STAP1: variants seen among roughly 807,000 people sequenced by gnomAD.
STAP1 encodes signal transducing adaptor family member 1, also known as signal-transducing adaptor protein 1.
STAP1 carries 30 observed loss-of-function variants against 37.8 expected under a neutral mutation model. That is an observed-to-expected ratio of 0.79 (90% confidence interval 0.59 to 1.08). The LOEUF is 1.08. Among genes scored for constraint, STAP1 ranks in the 50% least tolerant of loss-of-function variants. The pLI is 0.00. For synonymous variants in STAP1, 130 were observed against 116.0 expected, an observed-to-expected ratio of 1.12 and a Z score of -0.78; for missense variants, 357 against 349.4, an observed-to-expected ratio of 1.02 and a Z score of -0.17.
chr4:67,569,937 T>C (rs749184523), intron 1 of STAP1, among the ~76,000 whole-genome samples: 46 of 152,196 alleles, frequency 3.0e-4, no homozygotes, highest in Middle Eastern at 6.8e-3. Context: ...TGCCATGTTG[T>C]TCAGGCTGGT....
Position 67,581,185 on chromosome 4 carries a change from C to T in STAP1, c.364-120C>T, listed in dbSNP as rs370048696. 1.2e-4 allele frequency: 112 copies of T among 938,240 alleles called. No homozygotes were observed. In the East Asian group the frequency reaches 2.3e-3, roughly 19 times the overall value. The allele number at this position is 938,240 out of a possible 1,614,324, so 58.1% of individuals were successfully genotyped here. A position where few individuals can be genotyped will look rare whatever the true frequency, so the allele number is the denominator to read the frequency against. ...CCTCTGTTTCTTATTCCCTTAGTCC[C>T]TACTCATTCACCTCTGTCAGGTAAC... On this transcript the variant is annotated intron_variant, in intron 4 of 8. Transcript: ENST00000265404.
chr4:67,603,937 A>G lies in STAP1; in HGVS notation c.827-2359A>G, dbSNP rs146645654. Reference sequence around the variant, plus strand: ...GGCTCCAAGCCCAGCACAGCACAGGACTTGCCCAGGACCCTCAGTGTTTGT... The same window carrying G: ...GGCTCCAAGCCCAGCACAGCACAGGGCTTGCCCAGGACCCTCAGTGTTTGT... On this transcript the variant is annotated intron_variant, in intron 8 of 8. Coordinates refer to ENST00000265404, the MANE Select transcript of STAP1 (RefSeq NM_012108.4). Among the ~76,000 whole-genome samples, 3 of 152,232 alleles carry G rather than the reference A, an allele frequency of 2.0e-5. No homozygotes were observed. In the East Asian group the frequency reaches 5.8e-4, roughly 29 times the overall value.
intron 4 of STAP1, among the ~76,000 whole-genome samples, chr4:67,580,002 A>T (rs1727815398): frequency 6.6e-6 from 1 of 152,072 alleles, no homozygotes; most frequent in Non-Finnish European, 1.5e-5. Flanking sequence ...AGTATCTGGG[A>T]TTACAGGCAC....
intron 1 of STAP1, among the ~76,000 whole-genome samples, chr4:67,570,860 G>C (rs1020876567): frequency 6.6e-6 from 1 of 152,084 alleles, no homozygotes; most frequent in African/African-American, 2.4e-5. Context: ...CTTGAGCCTA[G>C]GAGTTGGAGA....
At chr4:67,592,892 C>G (rs1467755375) in intron 7 of STAP1, among the ~76,000 whole-genome samples, 1 of 152,158 alleles carries the variant, frequency 6.6e-6, no homozygotes, top group Admixed American at 6.5e-5. Flanking sequence ...CTATGTTGCT[C>G]AGGCTGGTCT....
intron 8 of STAP1, among the ~76,000 whole-genome samples, chr4:67,603,447 C>A (rs1474116329): frequency 6.6e-6 from 1 of 152,060 alleles, no homozygotes; most frequent in Non-Finnish European, 1.5e-5. Flanking sequence ...AAGCAAAAGT[C>A]TCTCCCTATG....
chr4:67,565,934 CTTTTTTTTTTTTTTTTTT>C (rs60607477), intron 1 of STAP1, among the ~76,000 whole-genome samples: 1 of 59,430 alleles, frequency 1.7e-5, no homozygotes, highest in African/African-American at 5.8e-5. Flanking sequence ...AACCCAACTG[CTTTTTTTTTTTTTTTTTT>C]TTTTTTTTTT....
intron 6 of STAP1, among the ~76,000 whole-genome samples, chr4:67,588,358 ATG>A (rs1728038760): frequency 1.9e-5 from 2 of 104,308 alleles, no homozygotes; most frequent in Non-Finnish European, 5.1e-5. Context: ...GACGACGATG[ATG>A]ATGATGATGA....
intron 7 of STAP1, among the ~76,000 whole-genome samples, 162 bp from the exon 8 acceptor site, chr4:67,593,098 A>G (rs1728155001): frequency 6.6e-6 from 1 of 152,230 alleles, no homozygotes; most frequent in South Asian, 2.1e-4. Flanking sequence ...TGGTCAATTA[A>G]AAAGGATAAA....
intron 6 of STAP1, among the ~76,000 whole-genome samples, chr4:67,585,337 A>G (rs1180177216): frequency 6.6e-6 from 1 of 152,240 alleles, no homozygotes; most frequent in Non-Finnish European, 1.5e-5. Flanking sequence ...ATGGTGAATA[A>G]AGGCAGTTAA....
intron 8 of STAP1, 109 bp downstream of exon 8, chr4:67,593,465 C>A: frequency 1.3e-6 from 1 of 743,008 alleles, no homozygotes; most frequent in Non-Finnish European, 2.2e-6. Context: ...AACTGTAGTT[C>A]AGTCTTTAAA....
chr4:67,590,431 T>C (rs996002356), intron 6 of STAP1, among the ~76,000 whole-genome samples: 1 of 152,220 alleles, frequency 6.6e-6, no homozygotes, highest in African/African-American at 2.4e-5. Flanking sequence ...GAGGGGTTTC[T>C]GGTTGGATTG....
At chr4:67,583,498 T>G in intron 5 of STAP1, 76 bp from the exon 6 acceptor site, 2 of 1,439,370 alleles carry the variant, frequency 1.4e-6, no homozygotes, top group Non-Finnish European at 9.2e-7. Flanking sequence ...TCAAAGTTAT[T>G]TTGGTAGTAT....
chr4:67,582,774 G>A (rs890296455), intron 5 of STAP1, among the ~76,000 whole-genome samples: 3 of 152,014 alleles, frequency 2.0e-5, no homozygotes, highest in African/African-American at 4.8e-5. Flanking sequence ...TCTACTTTTC[G>A]AGTACCCATA....
chr4:67,591,882 T>C (rs769400990), intron 7 of STAP1, among the ~76,000 whole-genome samples: 8 of 152,104 alleles, frequency 5.3e-5, no homozygotes, highest in Non-Finnish European at 1.2e-4. Flanking sequence ...ACTTTTAAAA[T>C]AAAATTCAAT....
chr4:67,577,136 T>G (rs1359701005), intron 3 of STAP1, 67 bp from the exon 4 acceptor site: 1 of 1,413,118 alleles, frequency 7.1e-7, no homozygotes, highest in Non-Finnish European at 9.7e-7. Context: ...TCATAATTAT[T>G]TATTTTATGC....
At chr4:67,576,933 A>T (rs993427672) in intron 3 of STAP1, among the ~76,000 whole-genome samples, 1 of 152,230 alleles carries the variant, frequency 6.6e-6, no homozygotes, top group Admixed American at 6.5e-5. Context: ...GTGAATTGAC[A>T]TACTGCAAAA....
At chr4:67,574,036 T>G (rs539992154) in intron 2 of STAP1, among the ~76,000 whole-genome samples, 20 of 152,096 alleles carry the variant, frequency 1.3e-4, no homozygotes, top group Non-Finnish European at 2.9e-4. Flanking sequence ...TTGGATAGGA[T>G]AGGAATTTCT....
intron 8 of STAP1, among the ~76,000 whole-genome samples, chr4:67,600,033 T>C (rs1020268687): frequency 2.0e-5 from 3 of 152,206 alleles, no homozygotes; most frequent in Non-Finnish European, 4.4e-5. Flanking sequence ...TATTGTTTCT[T>C]CTACTAATTT....
Sources: allele counts gnomAD v4.1 joint callset (sites outside exome capture counted in the v4.1 genomes callset), GRCh38; gene constraint gnomAD v4.1.1; transcripts MANE v1.5; gene names NCBI Gene and HGNC (gene_info 2026-07-23, HGNC 2026-07-21).